ZNRF3: variants seen among roughly 807,000 people sequenced by gnomAD.
ZNRF3 encodes E3 ubiquitin-protein ligase ZNRF3.
ZNRF3 carries 23 observed loss-of-function variants against 72.5 expected under a neutral mutation model. The ratio of observed to expected loss-of-function variants is 0.32; its 90% CI spans 0.23 to 0.45. ZNRF3 has a LOEUF of 0.45. ZNRF3 is among the 20% of genes least tolerant of loss of function. The probability of loss-of-function intolerance (pLI) is 1.00; values close to 1 mark genes in which losing one functional copy is unlikely to be tolerated. For synonymous variants in ZNRF3, 610 were observed against 545.3 expected (o/e 1.12, Z -1.65); for missense variants, 1,169 against 1,272.1 (o/e 0.92, Z 1.23).
In ZNRF3 at chr22:29,049,866, G is replaced by C; in HGVS notation, c.1685G>C (p.Cys562Ser). The C allele has an allele frequency of 6.2e-7, 1 of 1,605,828 alleles. No homozygotes were observed. Among genetic ancestry groups the C allele is most frequent in the South Asian group, 1.1e-5 (1 of 90,086 alleles). ...AGCAGCAGCTCCGGCCAGTGCCACT[G>C]TTCCTCCAGTGACTCTGTGGTAGAC... is the stretch of plus-strand genomic sequence containing the variant. ...SSSSSSGQCH[C>S]SSSDSVVDCT... Residue 562 changes from cysteine to serine, a missense_variant, in exon 8 of 9, where the codon TGT (cysteine) becomes TCT (serine). Around this residue, in one of 2 missense-constraint regions of ZNRF3, gnomAD observed 783 missense variants for 731.4 expected, o/e 1.07. Coordinates refer to ENST00000544604, the MANE Select transcript of ZNRF3 (RefSeq NM_001206998.2). The surrounding 1 kb of genome is among the most constrained non-coding windows in gnomAD (Gnocchi z 5.2).
At chr22:28,995,426 T>C (rs2036030541) in intron 2 of ZNRF3, among the ~76,000 whole-genome samples, 1 of 151,340 alleles carries the variant, frequency 6.6e-6, no homozygotes, top group East Asian at 1.9e-4. Flanking sequence ...AGAATCCATC[T>C]CAAAAAAAAA....
At position 29,049,521 on chromosome 22, in the gene ZNRF3, G is replaced by T. The variant is rs770387506; in HGVS notation, c.1340G>T (p.Arg447Leu). The change falls in exon 8 of 9, where the codon CGC (arginine) becomes CTC (leucine). Residue 447 changes from arginine to leucine, a missense_variant. Transcript: ENST00000544604. This position sits in a 1 kb window ranked among gnomAD's most constrained non-coding sequence, Gnocchi z 5.2. ...GCCTACTCCCCAGCCCACCCCTTCC[G>T]CAGGCCCAAGTTGAGTGGCCGCAGC... Reference protein sequence around the residue: ...HRAYSPAHPFRRPKLSGRSFS... With the variant: ...HRAYSPAHPFLRPKLSGRSFS... The T allele has an allele frequency of 2.5e-6, 4 of 1,604,094 alleles. No homozygotes were observed. The highest frequency in any genetic ancestry group is 1.7e-6 in the Non-Finnish European group (2 of 1,178,918).
chr22:28,936,090 T>C (rs1220723595), intron 1 of ZNRF3, among the ~76,000 whole-genome samples: 1 of 152,114 alleles, frequency 6.6e-6, no homozygotes, highest in Non-Finnish European at 1.5e-5. Flanking sequence ...AGTTGGTCAC[T>C]CCCTCCCAAC....
chr22:29,017,692 G>A (rs2036461063), intron 2 of ZNRF3, among the ~76,000 whole-genome samples: 1 of 152,118 alleles, frequency 6.6e-6, no homozygotes, highest in African/African-American at 2.4e-5. Context: ...GGTGGGAGGA[G>A]AAATGTAAAC....
At chr22:29,037,932 C>G (rs1036374787) in intron 2 of ZNRF3, among the ~76,000 whole-genome samples, 2 of 152,196 alleles carry the variant, frequency 1.3e-5, no homozygotes, top group South Asian at 4.1e-4. Flanking sequence ...AACTTCCCAC[C>G]TGTGTTCTGC....
At chr22:28,923,172 G>GT (rs1360789082) in intron 1 of ZNRF3, among the ~76,000 whole-genome samples, 1 of 152,196 alleles carries the variant, frequency 6.6e-6, no homozygotes, top group African/African-American at 2.4e-5. Flanking sequence ...TCTGATTTCT[G>GT]TAAGTAGTGG....
rs750300317 is a variant in ZNRF3 at position 29,057,155 on chromosome 22, C to A, written c.*3533C>A. On this transcript the variant is annotated 3_prime_UTR_variant, in exon 9 of 9. Coordinates refer to ENST00000544604, the MANE Select transcript of ZNRF3 (RefSeq NM_001206998.2). ...TCTAAGGGCTCTTTTTCCAACATTA[C>A]CATTTTTAAAAAATGTTTTAAAAGC... is the stretch of plus-strand genomic sequence containing the variant. 18 of 152,066 alleles carry A rather than the reference C, an allele frequency of 1.2e-4. No individual in the cohort carries two copies. Among genetic ancestry groups the A allele is most frequent in the Non-Finnish European group, 2.6e-4 (18 of 68,008 alleles). 9.4% of individuals were successfully genotyped at this position (152,066 alleles called of 1,614,324 possible).
At position 29,046,712 on chromosome 22, in the gene ZNRF3, G is replaced by C. The variant is rs1461299854; in HGVS notation, c.745-4G>C. 2.5e-6 allele frequency: 4 copies of C among 1,596,632 alleles called. No homozygotes were observed. Among genetic ancestry groups the C allele is most frequent in the Non-Finnish European group, 3.4e-6 (4 of 1,171,072 alleles). On this transcript the variant is annotated splice_polypyrimidine_tract_variant and splice_region_variant and intron_variant, in intron 5 of 8. Transcript: ENST00000544604. ...CCTCACACAGACTACATTCTGCCCT[G>C]CAGAATTCCATGAACAGGCTGGCTG...
rs199892375 is a variant in ZNRF3 at position 29,050,082 on chromosome 22, C to T, written c.1901C>T (p.Pro634Leu). Residue 634 changes from proline (P) to leucine (L), a missense_variant, in exon 8 of 9, where the codon CCG (proline) becomes CTG (leucine). By Grantham distance (98) the Pro-to-Leu change is moderately conservative. Coordinates refer to ENST00000544604, the MANE Select transcript of ZNRF3 (RefSeq NM_001206998.2). The stretch of plus-strand genomic sequence containing the variant: ...GGCTCCCCGCCTCCCGAGGAGCTCC[C>T]GGCGGTGCACAGTCATGGTGCTGGG... ...FEGSPPPEEL[P>L]AVHSHGAGRG... 414 of 1,607,536 alleles carry T rather than the reference C, an allele frequency of 2.6e-4. No individual in the cohort carries two copies. The highest frequency in any genetic ancestry group is 2.9e-4 in the Non-Finnish European group (341 of 1,178,284).
intron 1 of ZNRF3, among the ~76,000 whole-genome samples, chr22:28,916,783 T>C (rs1410047872): frequency 6.6e-6 from 1 of 152,226 alleles, no homozygotes; most frequent in Non-Finnish European, 1.5e-5. Flanking sequence ...CCCTCAGTGC[T>C]GTTCACTCTT....
chr22:29,044,943 G>A, intron 5 of ZNRF3, 53 bp downstream of exon 5: 1 of 1,312,304 alleles, frequency 7.6e-7, no homozygotes, highest in Middle Eastern at 1.9e-4. Flanking sequence ...CCGTGACACT[G>A]GGGAAAACCA....
chr22:29,020,776 G>T (rs113781237), intron 2 of ZNRF3, among the ~76,000 whole-genome samples: 22,274 of 85,902 alleles, frequency 0.26, 3,738 homozygotes, highest in African/African-American at 0.49. Flanking sequence ...TGTGTGTGTG[G>T]GTGTGTGTGT....
chr22:28,982,089 TTTC>T (rs1444979979), intron 1 of ZNRF3, among the ~76,000 whole-genome samples: 3 of 152,226 alleles, frequency 2.0e-5, no homozygotes, highest in African/African-American at 7.2e-5. Flanking sequence ...CCCATGCGTG[TTTC>T]TTCTTCTTTA....
intron 1 of ZNRF3, among the ~76,000 whole-genome samples, chr22:28,938,917 C>G (rs1349679729): frequency 6.6e-6 from 1 of 152,172 alleles, no homozygotes; most frequent in African/African-American, 2.4e-5. Flanking sequence ...GACCCGAGTT[C>G]TAATTCTGAA....
At chr22:28,890,017 A>C (rs5752829) in intron 1 of ZNRF3, among the ~76,000 whole-genome samples, 1 of 152,238 alleles carries the variant, frequency 6.6e-6, no homozygotes, top group African/African-American at 2.4e-5. Context: ...GAGAGTGGAC[A>C]TCAGGCAGGC....
chr22:28,884,656 T>C (rs1248715931), intron 1 of ZNRF3, among the ~76,000 whole-genome samples: 3 of 152,116 alleles, frequency 2.0e-5, no homozygotes, highest in Non-Finnish European at 4.4e-5. Flanking sequence ...GGGGGTTCCC[T>C]GGAGTGGCGA....
At chr22:28,999,742 G>A (rs1329427197) in intron 2 of ZNRF3, among the ~76,000 whole-genome samples, 2 of 152,312 alleles carry the variant, frequency 1.3e-5, no homozygotes, top group Admixed American at 1.3e-4. Context: ...TTGGTTTTCT[G>A]TCTACGAAGC....
At chr22:28,890,143 G>A (rs549903679) in intron 1 of ZNRF3, among the ~76,000 whole-genome samples, 10 of 152,312 alleles carry the variant, frequency 6.6e-5, no homozygotes, top group Non-Finnish European at 1.0e-4. Flanking sequence ...AACTTGCTTG[G>A]ATGGAAAGGA....
intron 1 of ZNRF3, among the ~76,000 whole-genome samples, chr22:28,950,631 C>T (rs934953009): frequency 6.6e-6 from 1 of 152,198 alleles, no homozygotes; most frequent in African/African-American, 2.4e-5. Context: ...TTTAAAAAGA[C>T]AGTGGCTCTT....
Sources: gnomAD v4.1 joint callset for allele counts (sites outside exome capture counted in the v4.1 genomes callset) on GRCh38, gnomAD v4.1.1 for gene constraint, gnomAD v4.1.1 regional missense constraint, Gnocchi (gnomAD v3.1) non-coding constraint, MANE v1.5 for transcripts, NCBI Gene and HGNC (gene_info 2026-07-23, HGNC 2026-07-21) for gene names.